Variants in UPK1B observed in about 807,000 individuals in gnomAD.
UPK1B encodes uroplakin 1B.
UPK1B carries 28 observed loss-of-function variants against 34.2 expected under a neutral mutation model. The observed-to-expected ratio is 0.82, with a 90% CI of 0.61 to 1.12. UPK1B has a LOEUF of 1.12. UPK1B is among the 50% of genes most tolerant of loss of function. The pLI is 0.00. For missense variants in UPK1B, 325 were observed against 320.9 expected (o/e 1.01, Z -0.10); for synonymous variants, 81 against 110.4 (o/e 0.73, Z 1.67).
At chr3:119,194,179 G>GA in intron 5 of UPK1B, 40 bp from the exon 6 acceptor site, 1 of 1,603,358 alleles carries the variant, frequency 6.2e-7, no homozygotes, top group Non-Finnish European at 8.5e-7. Flanking sequence ...CTCTAGTAGG[G>GA]ACCACGAAAG....
intron 1 of UPK1B, among the ~76,000 whole-genome samples, chr3:119,174,217 A>T (rs1372016413): frequency 6.6e-6 from 1 of 152,232 alleles, no homozygotes; most frequent in Non-Finnish European, 1.5e-5. Context: ...TAAATGTGTC[A>T]GTTGAAGTAA....
At chr3:119,180,972 G>T (rs1576866516) in intron 1 of UPK1B, among the ~76,000 whole-genome samples, 1 of 152,154 alleles carries the variant, frequency 6.6e-6, no homozygotes, top group African/African-American at 2.4e-5. Context: ...AGGGGCAGGG[G>T]GAAGTCTTTG....
Position 119,202,803 on chromosome 3 carries a change from G to A in UPK1B, c.733-1114G>A, listed in dbSNP as rs1453685070. On this transcript the variant is annotated intron_variant, in intron 7 of 7. Transcript: ENST00000264234. ...ACTAGAAGCAAGGAATGCTTACCCC[G>A]AAATGGTACATACTAGAAACAGGAA... Among the ~76,000 whole-genome samples the A allele has an allele frequency of 3.3e-5, 5 of 152,242 alleles. No individual in the cohort carries two copies. In the East Asian group the frequency reaches 5.8e-4, roughly 18 times the overall value.
At position 119,190,297 on chromosome 3, in the gene UPK1B, C is replaced by A. The variant is rs2078038183; in HGVS notation, c.323C>A (p.Thr108Lys). The change falls in exon 4 of 8, where the codon ACA (threonine) becomes AAA (lysine). Residue 108 changes from threonine to lysine, a missense_variant. By Grantham distance (78) the Thr-to-Lys change is moderately conservative. Coordinates refer to ENST00000264234, the MANE Select transcript of UPK1B (RefSeq NM_006952.4). ...VYAFEVASCI[T>K]AATQQDFFTP... ...GCCTTTGAAGTGGCATCTTGTATCA[C>A]AGCAGCAACACAACAAGACTTTGTG... The A allele has an allele frequency of 1.2e-6, 2 of 1,612,258 alleles. No individual in the cohort carries two copies. The highest frequency in any genetic ancestry group is 2.7e-5 in the African/African-American group (2 of 74,854).
At chr3:119,202,707 T>C (rs1371970947) in intron 7 of UPK1B, among the ~76,000 whole-genome samples, 1 of 152,186 alleles carries the variant, frequency 6.6e-6, no homozygotes, top group Non-Finnish European at 1.5e-5. Flanking sequence ...TCTGTGGCAT[T>C]CTTCAGAGGC....
At position 119,181,229 on chromosome 3, in the gene UPK1B, A is replaced by G. The variant is rs550994588; in HGVS notation, c.-28-5485A>G. On this transcript the variant is annotated intron_variant, in intron 1 of 7. Coordinates refer to ENST00000264234, the MANE Select transcript of UPK1B (RefSeq NM_006952.4). Reference sequence around the variant, plus strand: ...CTACTCTCGTTTCAGCCAGAGAAGTACCATTCTGATCTGATTTCATATATT... The same window carrying G: ...CTACTCTCGTTTCAGCCAGAGAAGTGCCATTCTGATCTGATTTCATATATT... Among the ~76,000 whole-genome samples the G allele has an allele frequency of 2.6e-4, 40 of 152,320 alleles. 1 individual carries two copies. Among genetic ancestry groups the G allele is most frequent in the Non-Finnish European group, 4.1e-4 (28 of 68,026 alleles).
At chr3:119,179,392 T>TAC (rs1559900058) in intron 1 of UPK1B, among the ~76,000 whole-genome samples, 1 of 93,198 alleles carries the variant, frequency 1.1e-5, no homozygotes, top group Non-Finnish European at 2.0e-5. Flanking sequence ...TATATATATA[T>TAC]ATATATTAAT....
chr3:119,178,830 A>G (rs2077971487), intron 1 of UPK1B, among the ~76,000 whole-genome samples: 1 of 152,200 alleles, frequency 6.6e-6, no homozygotes, highest in African/African-American at 2.4e-5. Flanking sequence ...CTGCTTGAGA[A>G]AGTTCACCAT....
chr3:119,191,326 T>G (rs2078043250), intron 5 of UPK1B, among the ~76,000 whole-genome samples: 1 of 152,192 alleles, frequency 6.6e-6, no homozygotes, highest in African/African-American at 2.4e-5. Context: ...TACCCCACAG[T>G]GAACTCGAGT....
At chr3:119,180,749 A>G (rs1176569172) in intron 1 of UPK1B, among the ~76,000 whole-genome samples, 1 of 151,884 alleles carries the variant, frequency 6.6e-6, no homozygotes, top group African/African-American at 2.4e-5. Context: ...AAAGTGCATT[A>G]CTCTACCCCT....
intron 6 of UPK1B, among the ~76,000 whole-genome samples, chr3:119,198,320 C>T (rs988509260): frequency 6.6e-5 from 10 of 152,078 alleles, no homozygotes; most frequent in African/African-American, 1.9e-4. Flanking sequence ...CTAGGCATTC[C>T]CTTTGGTTCC....
intron 7 of UPK1B, among the ~76,000 whole-genome samples, chr3:119,202,491 G>C (rs2107439384): frequency 6.6e-6 from 1 of 152,284 alleles, no homozygotes; most frequent in East Asian, 1.9e-4. Context: ...ATAAACATTA[G>C]ACCCTGTTAT....
chr3:119,183,417 A>G (rs968888554), intron 1 of UPK1B, among the ~76,000 whole-genome samples: 3 of 151,972 alleles, frequency 2.0e-5, no homozygotes, highest in African/African-American at 7.3e-5. Flanking sequence ...ACCCGCCACC[A>G]TGCTCGGCTA....
chr3:119,191,178 G>T (rs950313257), intron 5 of UPK1B, 74 bp downstream of exon 5: 14 of 1,509,000 alleles, frequency 9.3e-6, no homozygotes, highest in South Asian at 1.3e-5. Flanking sequence ...ATGACTCAGT[G>T]GGACCCTATA....
In UPK1B at chr3:119,190,256, G is replaced by T; in HGVS notation, c.282G>T (p.Leu94=). ...SRKILLAYFI[L]MFIVYAFEVA... ...TATTTCCCTTCCAGTATTTCATTCTGATGTTTATAGTATATGCCTTTGAAG... is the reference window on the plus strand; with the variant it reads ...TATTTCCCTTCCAGTATTTCATTCTTATGTTTATAGTATATGCCTTTGAAG... Residue 94 remains leucine (L), a synonymous_variant, in exon 4 of 8, where the codon CTG becomes CTT. Transcript: ENST00000264234. The T allele has an allele frequency of 2.5e-6, 4 of 1,604,230 alleles. No homozygotes were observed. Among genetic ancestry groups the T allele is most frequent in the Non-Finnish European group, 3.4e-6 (4 of 1,173,774 alleles).
In UPK1B at chr3:119,192,720, T is replaced by C. The variant is rs144534319; in HGVS notation, c.469-1499T>C. Among the ~76,000 whole-genome samples, 460 of 152,314 alleles carry C rather than the reference T, an allele frequency of 3.0e-3. 4 individuals are homozygous for C. Among genetic ancestry groups the C allele is most frequent in the Non-Finnish European group, 6.0e-3 (406 of 68,022 alleles). ...TTGTTATGTCACACAGGCTGTCCTT[T>C]GTCCAGCTCTTTTGATTCTGTTCTG... is the stretch of plus-strand genomic sequence containing the variant. On this transcript the variant is annotated intron_variant, in intron 5 of 7. Coordinates refer to ENST00000264234, the MANE Select transcript of UPK1B (RefSeq NM_006952.4).
rs1199098036 is a variant in UPK1B, at chr3:119,187,836, A to ACCCACTGCTCTG, written c.140_141insCTGCCCACTGCT (p.Leu47_Glu48insCysProLeuLeu). On this transcript the variant is annotated inframe_insertion, in exon 3 of 8. Transcript: ENST00000264234. ...TTTGTATCTGACCAACACAGCCTCT[A>ACCCACTGCTCTG]CCCACTGCTTGAAGCCACCGACAAC... 2 of 1,613,228 alleles carry ACCCACTGCTCTG rather than the reference A, an allele frequency of 1.2e-6. No individual in the cohort carries two copies. Among genetic ancestry groups the ACCCACTGCTCTG allele is most frequent in the Non-Finnish European group, 1.7e-6 (2 of 1,179,892 alleles).
chr3:119,191,497 A>T (rs1029380084), intron 5 of UPK1B, among the ~76,000 whole-genome samples: 3 of 152,104 alleles, frequency 2.0e-5, no homozygotes, highest in African/African-American at 7.2e-5. Context: ...TCAAAAGTCC[A>T]AGTCTTCCAG....
rs566986105 is a variant in UPK1B, at chr3:119,184,803, G to A, written c.-28-1911G>A. On this transcript the variant is annotated intron_variant, in intron 1 of 7. Coordinates refer to ENST00000264234, the MANE Select transcript of UPK1B (RefSeq NM_006952.4). ...ATTTCACACAGTACATAATCAGTAC[G>A]AGTTGATATCGGTGCTGAATTTGGC... Among the ~76,000 whole-genome samples, 13 of 152,280 alleles carry A rather than the reference G, an allele frequency of 8.5e-5. No homozygotes were observed. In the South Asian group the frequency reaches 1.7e-3, roughly 19 times the overall value.
Sources: gnomAD v4.1 joint callset for allele counts (sites outside exome capture counted in the v4.1 genomes callset) on GRCh38, gnomAD v4.1.1 for gene constraint, MANE v1.5 for transcripts, NCBI Gene and HGNC (gene_info 2026-07-23, HGNC 2026-07-21) for gene names.